RB1: variants seen among roughly 807,000 people sequenced by gnomAD.
RB1 encodes retinoblastoma-associated protein.
RB1 carries 18 observed loss-of-function variants against 135.4 expected under a neutral mutation model. The observed-to-expected ratio is 0.13, with a 90% CI of 0.09 to 0.20. The LOEUF (loss-of-function observed/expected upper bound fraction) is 0.20, where lower values mean the gene tolerates loss of function less well. RB1 is among the 10% of genes least tolerant of loss of function. The pLI, the probability that RB1 is intolerant of heterozygous loss-of-function variation, is 1.00. For missense variants in RB1, 868 were observed against 1,110.0 expected, an observed-to-expected ratio of 0.78 and a Z score of 3.10; for synonymous variants, 365 against 373.2, an observed-to-expected ratio of 0.98 and a Z score of 0.25.
chr13:48,459,920 T>TC (rs1491488769), intron 20 of RB1, 87 bp downstream of exon 20: 1 of 490,032 alleles, frequency 2.0e-6, no homozygotes, highest in African/African-American at 3.6e-5. Context: ...TTTCTTTCTT[T>TC]CTTTCTTTCT....
intron 17 of RB1, among the ~76,000 whole-genome samples, chr13:48,413,286 CG>C (rs1314737529): frequency 6.6e-6 from 1 of 152,162 alleles, no homozygotes; most frequent in African/African-American, 2.4e-5. Flanking sequence ...TGTTGAACTG[CG>C]TGGTCTGCTC....
At position 48,381,178 on chromosome 13, in the gene RB1, A is replaced by G. The variant is rs373846570; in HGVS notation, c.1499-69A>G. ...CTACTGTTTTCTTTGTCTGATAATAACTTCCAAAAAAATACCTAGCTCAAG... is the reference window on the plus strand; with the variant it reads ...CTACTGTTTTCTTTGTCTGATAATAGCTTCCAAAAAAATACCTAGCTCAAG... On this transcript the variant is annotated intron_variant, in intron 16 of 26. Coordinates refer to ENST00000267163, the MANE Select transcript of RB1 (RefSeq NM_000321.3). 2.1e-4 allele frequency: 321 copies of G among 1,511,026 alleles called. 2 individuals are homozygous for G. In the African/African-American group the frequency reaches 3.9e-3, roughly 18 times the overall value. 93.6% of individuals were successfully genotyped at this position (1,511,026 alleles called of 1,614,324 possible). A position where few individuals can be genotyped will look rare whatever the true frequency, so the allele number is the denominator to read the frequency against.
chr13:48,320,208 C>T, intron 2 of RB1: 2 of 986,720 alleles, frequency 2.0e-6, no homozygotes, highest in Non-Finnish European at 3.0e-6. Flanking sequence ...GCAATGCGGG[C>T]TGCTCCTTGT....
chr13:48,410,852 G>A (rs1011825503), intron 17 of RB1, among the ~76,000 whole-genome samples: 1 of 152,160 alleles, frequency 6.6e-6, no homozygotes, highest in Middle Eastern at 3.4e-3. Context: ...ATGTTAATAT[G>A]TCATCATTTC....
chr13:48,314,684 C>T (rs1177423044), intron 2 of RB1, among the ~76,000 whole-genome samples: 1 of 151,956 alleles, frequency 6.6e-6, no homozygotes. Flanking sequence ...GCCTGTAGTC[C>T]CAGCTACTCT....
chr13:48,348,001 C>T (rs1952513492), intron 5 of RB1, 138 bp downstream of exon 5: 2 of 660,956 alleles, frequency 3.0e-6, no homozygotes, highest in Non-Finnish European at 5.3e-6. Context: ...GATTTAAGTC[C>T]TGTGTAGATT....
chr13:48,317,215 GC>G (rs1952192111), intron 2 of RB1: 1 of 442,644 alleles, frequency 2.3e-6, no homozygotes. Context: ...TGGCCTGCCT[GC>G]CCCCCTGGGA....
At chr13:48,332,713 C>A (rs185055134) in intron 2 of RB1, among the ~76,000 whole-genome samples, 1 of 152,288 alleles carries the variant, frequency 6.6e-6, no homozygotes, top group Admixed American at 6.5e-5. Context: ...GACATACACA[C>A]AGACAAAATG....
Position 48,319,674 on chromosome 13 carries a change from G to A in RB1, c.264+12268G>A. 3.9e-6 allele frequency: 1 copy of A among 253,468 alleles called. No homozygotes were observed. The highest frequency in any genetic ancestry group is 8.2e-6 in the Non-Finnish European group (1 of 122,210). 15.7% of individuals were successfully genotyped at this position (253,468 alleles called of 1,614,324 possible). On this transcript the variant is annotated intron_variant, in intron 2 of 26. Transcript: ENST00000267163. This position sits in a 1 kb window ranked among gnomAD's most constrained non-coding sequence, Gnocchi z 5.0. ...CAGACCCTGCCGATGCGCCACCTTT[G>A]CGGCTAGCTCTTCGTGGGATTTCAA... is the stretch of plus-strand genomic sequence containing the variant.
At chr13:48,439,709 T>C (rs1483401086) in intron 17 of RB1, 4 of 152,192 alleles carry the variant, frequency 2.6e-5, no homozygotes, top group African/African-American at 9.6e-5. Flanking sequence ...AGATTCACAG[T>C]AGAGTCTGTA....
chr13:48,437,875 A>AT (rs2138297349), intron 17 of RB1, among the ~76,000 whole-genome samples: 1 of 152,256 alleles, frequency 6.6e-6, no homozygotes, highest in East Asian at 1.9e-4. Context: ...AGTGTCAGAG[A>AT]TTATTGGGGT....
At chr13:48,317,151 A>T in intron 2 of RB1, 1 of 788,100 alleles carries the variant, frequency 1.3e-6, no homozygotes, top group Non-Finnish European at 1.8e-6. Context: ...GGCCTCCCTG[A>T]AGGCAGAGAA....
At chr13:48,410,466 C>T (rs1012220413) in intron 17 of RB1, among the ~76,000 whole-genome samples, 1 of 152,170 alleles carries the variant, frequency 6.6e-6, no homozygotes, top group Non-Finnish European at 1.5e-5. Context: ...CCTAAGCAAG[C>T]ATCATAAGCA....
At chr13:48,463,700 C>T (rs2138342142) in intron 20 of RB1, 31 bp from the exon 21 acceptor site, 1 of 1,260,108 alleles carries the variant, frequency 7.9e-7, no homozygotes, top group East Asian at 2.3e-5. Context: ...TAATAAAATT[C>T]TGACTACTTT....
chr13:48,378,685 C>G (rs921793873), intron 13 of RB1, among the ~76,000 whole-genome samples: 5 of 151,636 alleles, frequency 3.3e-5, no homozygotes, highest in Admixed American at 2.0e-4. Context: ...GTATTATGTA[C>G]TGTACATAAT....
At chr13:48,420,066 C>A (rs1349636785) in intron 17 of RB1, among the ~76,000 whole-genome samples, 8 of 152,156 alleles carry the variant, frequency 5.3e-5, no homozygotes, top group Non-Finnish European at 1.0e-4. Flanking sequence ...GATACCATAA[C>A]CTGCCAGAGA....
At position 48,319,242 on chromosome 13, in the gene RB1, C is replaced by T; in HGVS notation, c.264+11836C>T. On this transcript the variant is annotated intron_variant, in intron 2 of 26. Transcript: ENST00000267163. This position sits in a 1 kb window ranked among gnomAD's most constrained non-coding sequence, Gnocchi z 5.0. ...GCTGGGTGTTTTCCTGTGGGTCTCG[C>T]GCAAGGCACTTTTTTGTGGCGCTGC... 1.2e-6 allele frequency: 1 copy of T among 809,260 alleles called. No homozygotes were observed. Among genetic ancestry groups the T allele is most frequent in the African/African-American group, 1.8e-5 (1 of 56,980 alleles). The allele number at this position is 809,260 out of a possible 1,614,324, so 50.1% of individuals were successfully genotyped here.
intron 17 of RB1, 89 bp downstream of exon 17, chr13:48,381,532 C>T: frequency 8.4e-7 from 1 of 1,191,204 alleles, no homozygotes; most frequent in Non-Finnish European, 1.2e-6. Flanking sequence ...ACATCTACCT[C>T]AAGAACATAT....
intron 2 of RB1, among the ~76,000 whole-genome samples, chr13:48,335,974 T>C (rs1281426750): frequency 1.3e-5 from 2 of 151,510 alleles, no homozygotes; most frequent in Non-Finnish European, 2.9e-5. Context: ...CATGAAAAAG[T>C]TGTGAGAGGA....
Sources: gnomAD v4.1 joint callset for allele counts (sites outside exome capture counted in the v4.1 genomes callset) on GRCh38, gnomAD v4.1.1 for gene constraint, Gnocchi (gnomAD v3.1) non-coding constraint, MANE v1.5 for transcripts, NCBI Gene and HGNC (gene_info 2026-07-23, HGNC 2026-07-21) for gene names.